NRTN: variants seen among roughly 807,000 people sequenced by gnomAD.
NRTN encodes the protein prepro-neurturin.
Under a neutral mutation model 7.5 loss-of-function variants are expected in NRTN, and 3 were observed. That is an observed-to-expected ratio of 0.40 (90% CI 0.18 to 1.03). The LOEUF is 1.03. Among genes scored for constraint, NRTN ranks in the 50% least tolerant of loss-of-function variants. NRTN has a pLI of 0.34. For synonymous variants in NRTN, 157 were observed against 146.6 expected, an observed-to-expected ratio of 1.07 and a Z score of -0.51; for missense variants, 310 against 307.0, an observed-to-expected ratio of 1.01 and a Z score of -0.07.
At chr19:5,810,160 G>T (rs370049096) in intron 1 of NRTN, among the ~76,000 whole-genome samples, 1 of 151,486 alleles carries the variant, frequency 6.6e-6, no homozygotes, top group African/African-American at 2.4e-5. Context: ...CCAGCTACTC[G>T]GGAGGCCGAG....
intron 1 of NRTN, among the ~76,000 whole-genome samples, chr19:5,819,682 TA>T (rs900703049): frequency 9.0e-6 from 1 of 110,738 alleles, no homozygotes; most frequent in Non-Finnish European, 1.7e-5. Context: ...ATAAAAATTT[TA>T]AAAAATAAAT....
Position 5,810,833 on chromosome 19 carries a change from A to G in NRTN, c.-399+5382A>G, listed in dbSNP as rs547588264. ...AATCCCAGCTACTTGGGAGGCTGAG[A>G]CAGGAGAATCGCTTGAACCCAGGAG... is the stretch of plus-strand genomic sequence containing the variant. On this transcript the variant is annotated intron_variant, in intron 1 of 2. Coordinates refer to ENST00000303212, the MANE Select transcript of NRTN (RefSeq NM_004558.5). Among the ~76,000 whole-genome samples, 8 of 151,648 alleles carry G rather than the reference A, an allele frequency of 5.3e-5. No individual in the cohort carries two copies. In the South Asian group the frequency reaches 1.7e-3, roughly 32 times the overall value.
At chr19:5,810,715 C>G (rs1004484201) in intron 1 of NRTN, among the ~76,000 whole-genome samples, 1 of 151,864 alleles carries the variant, frequency 6.6e-6, no homozygotes, top group African/African-American at 2.4e-5. Flanking sequence ...GGGCGGATCA[C>G]GAGGTCAGAT....
At position 5,806,674 on chromosome 19, in the gene NRTN, C is replaced by G. The variant is rs565548027; in HGVS notation, c.-399+1223C>G. 4.2e-3 allele frequency among the ~76,000 whole-genome samples: 634 copies of G among 152,176 alleles called. 5 individuals carry two copies. The highest frequency in any genetic ancestry group is 6.0e-3 in the Non-Finnish European group (408 of 68,004). Reference sequence around the variant, plus strand: ...CTCCCGAGGTTCATAGCTCCGGCACCGACTCCACCCCCAGGGAGCTACAGA... The same window carrying G: ...CTCCCGAGGTTCATAGCTCCGGCACGGACTCCACCCCCAGGGAGCTACAGA... On this transcript the variant is annotated intron_variant, in intron 1 of 2. Coordinates refer to ENST00000303212, the MANE Select transcript of NRTN (RefSeq NM_004558.5). The surrounding 1 kb of genome is among the most constrained non-coding windows in gnomAD (Gnocchi z 5.4).
intron 1 of NRTN, among the ~76,000 whole-genome samples, chr19:5,810,903 T>C (rs1488437078): frequency 6.7e-6 from 1 of 149,840 alleles, no homozygotes; most frequent in Non-Finnish European, 1.5e-5. Flanking sequence ...CACTCCAGCC[T>C]GGCAACAGAG....
At chr19:5,817,613 A>G (rs1021907766) in intron 1 of NRTN, among the ~76,000 whole-genome samples, 4 of 111,526 alleles carry the variant, frequency 3.6e-5, no homozygotes. Context: ...AGGGAGAGAG[A>G]GAGAAAGAAA....
chr19:5,828,092 G>T lies in NRTN; in HGVS notation c.513G>T (p.Glu171Asp). The T allele has an allele frequency of 6.7e-7, 1 of 1,495,164 alleles. No homozygotes were observed. 92.6% of individuals were successfully genotyped at this position (1,495,164 alleles called of 1,614,324 possible). Residue 171 changes from glutamate (E) to aspartate (D), a missense_variant, in exon 3 of 3, where the codon GAG becomes GAT. Coordinates refer to ENST00000303212, the MANE Select transcript of NRTN (RefSeq NM_004558.5). ...CCTGCTGCCGCCCGACGGCCTACGA[G>T]GACGAGGTGTCCTTCCTGGACGCGC... ...AQPCCRPTAY[E>D]DEVSFLDAHS...
chr19:5,820,182 C>T (rs1365989409), intron 1 of NRTN, among the ~76,000 whole-genome samples: 1 of 140,844 alleles, frequency 7.1e-6, no homozygotes, highest in Non-Finnish European at 1.5e-5. Context: ...AGGAGAATGG[C>T]GTGAACCTGG....
At chr19:5,805,931 G>A (rs1406017674) in intron 1 of NRTN, among the ~76,000 whole-genome samples, 2 of 150,708 alleles carry the variant, frequency 1.3e-5, no homozygotes, top group African/African-American at 4.8e-5. Flanking sequence ...TCAGTGGCGC[G>A]TTCCCTGCTC....
rs575975625 is a variant in NRTN at position 5,805,280 on chromosome 19, C to CGG, written c.-565_-564dup. Among the ~76,000 whole-genome samples the CGG allele has an allele frequency of 3.4e-5, 5 of 145,852 alleles. No homozygotes were observed. Among genetic ancestry groups the CGG allele is most frequent in the Admixed American group, 2.7e-4 (4 of 14,738 alleles). Reference sequence around the variant, plus strand: ...GCCGCAGCCCGCGGCTAAGCGAGCCCGGGGGGCCCCATGGGCCGGCCCGCG... The same window carrying CGG: ...GCCGCAGCCCGCGGCTAAGCGAGCCCGGGGGGGGCCCCATGGGCCGGCCCGCG... On this transcript the variant is annotated 5_prime_UTR_variant, in exon 1 of 3. Coordinates refer to ENST00000303212, the MANE Select transcript of NRTN (RefSeq NM_004558.5).
intron 1 of NRTN, among the ~76,000 whole-genome samples, chr19:5,812,975 A>G (rs143420673): frequency 6.6e-6 from 1 of 152,314 alleles, no homozygotes; most frequent in Non-Finnish European, 1.5e-5. Flanking sequence ...ACGGCCTGGC[A>G]TCCTCTACCC....
At chr19:5,825,788 C>G (rs999997820) in intron 2 of NRTN, among the ~76,000 whole-genome samples, 8 of 152,206 alleles carry the variant, frequency 5.3e-5, no homozygotes, top group African/African-American at 1.7e-4. Context: ...GTTCTAGCCC[C>G]TGTGCAAGCA....
chr19:5,813,245 C>T (rs1425915303), intron 1 of NRTN, among the ~76,000 whole-genome samples: 1 of 150,236 alleles, frequency 6.7e-6, no homozygotes, highest in African/African-American at 2.5e-5. Context: ...AAAAAAAAAA[C>T]AGATGGAGGC....
intron 1 of NRTN, among the ~76,000 whole-genome samples, chr19:5,814,049 AC>A (rs1231061603): frequency 1.3e-5 from 2 of 152,082 alleles, no homozygotes; most frequent in African/African-American, 2.4e-5. Context: ...TCACAGGAGG[AC>A]CAGGAGTGAA....
chr19:5,819,576 T>C (rs948501871), intron 1 of NRTN, among the ~76,000 whole-genome samples: 4 of 151,778 alleles, frequency 2.6e-5, no homozygotes, highest in Non-Finnish European at 5.9e-5. Flanking sequence ...AGCAGGAGAA[T>C]TGCTTGAACT....
At chr19:5,812,449 G>A (rs1440503585) in intron 1 of NRTN, among the ~76,000 whole-genome samples, 1 of 152,208 alleles carries the variant, frequency 6.6e-6, no homozygotes. Context: ...TGGAAGGGGC[G>A]GCTGGGGGTG....
chr19:5,827,757 C>G lies in NRTN; in HGVS notation c.178C>G (p.Leu60Val), dbSNP rs2057052433. 3 of 1,224,584 alleles carry G rather than the reference C, an allele frequency of 2.4e-6. No homozygotes were observed. The highest frequency in any genetic ancestry group is 3.4e-5 in the Admixed American group (1 of 29,080). 75.9% of individuals were successfully genotyped at this position (1,224,584 alleles called of 1,614,324 possible). ...RIARLAQYRA[L>V]LQGAPDAMEL... Reference sequence around the variant, plus strand: ...TCTTCCTCCCCTCGCAGACCGTGCACTCCTGCAGGGGGCCCCGGATGCGAT... The same window carrying G: ...TCTTCCTCCCCTCGCAGACCGTGCAGTCCTGCAGGGGGCCCCGGATGCGAT... The change falls in exon 3 of 3, where the codon CTC (leucine) becomes GTC (valine). Residue 60 changes from leucine (L) to valine (V), a missense_variant. Transcript: ENST00000303212.
chr19:5,810,123 T>C (rs1031096682), intron 1 of NRTN, among the ~76,000 whole-genome samples: 6 of 151,284 alleles, frequency 4.0e-5, no homozygotes, highest in East Asian at 1.9e-4. Context: ...AAAAATTAGC[T>C]GGGCATGGTG....
intron 1 of NRTN, among the ~76,000 whole-genome samples, chr19:5,821,823 CCAAA>C (rs1469621583): frequency 6.6e-6 from 1 of 152,152 alleles, no homozygotes; most frequent in Admixed American, 6.6e-5. Flanking sequence ...ACCACCAATA[CCAAA>C]CAGTCTCAAG....
Sources: gnomAD v4.1 joint callset for allele counts (sites outside exome capture counted in the v4.1 genomes callset) on GRCh38, gnomAD v4.1.1 for gene constraint, Gnocchi (gnomAD v3.1) non-coding constraint, MANE v1.5 for transcripts, NCBI Gene and HGNC (gene_info 2026-07-23, HGNC 2026-07-21) for gene names.